GPATCH2: variants seen among roughly 807,000 people sequenced by gnomAD.
GPATCH2 encodes G-patch domain containing 2.
A neutral mutation model predicts 58.0 loss-of-function variants in GPATCH2; 51 were observed. The ratio of observed to expected loss-of-function variants is 0.88; its 90% CI spans 0.70 to 1.11. The LOEUF is 1.11. Ranked by LOEUF, GPATCH2 falls within the 50% of genes most tolerant of loss-of-function variation. The pLI is 0.00. For missense variants in GPATCH2, 625 were observed against 652.2 expected (o/e 0.96, Z 0.45); for synonymous variants, 222 against 218.5 (o/e 1.02, Z -0.14).
intron 5 of GPATCH2, among the ~76,000 whole-genome samples, chr1:217,515,282 G>C (rs534323887): frequency 6.6e-6 from 1 of 152,026 alleles, no homozygotes; most frequent in Non-Finnish European, 1.5e-5. Context: ...ATTTTTAGTA[G>C]AGACGGGGTT....
chr1:217,548,144 T>C (rs1665157836), intron 5 of GPATCH2, among the ~76,000 whole-genome samples: 1 of 152,174 alleles, frequency 6.6e-6, no homozygotes, highest in Non-Finnish European at 1.5e-5. Context: ...AACGGACTAA[T>C]ACGCTAATAT....
chr1:217,529,409 G>A (rs1664078212), intron 5 of GPATCH2, among the ~76,000 whole-genome samples: 1 of 152,122 alleles, frequency 6.6e-6, no homozygotes, highest in South Asian at 2.1e-4. Flanking sequence ...TCTCCTGCTG[G>A]AAGACTGGAT....
intron 5 of GPATCH2, among the ~76,000 whole-genome samples, chr1:217,567,429 T>C (rs1352243205): frequency 6.6e-6 from 1 of 152,222 alleles, no homozygotes; most frequent in Non-Finnish European, 1.5e-5. Context: ...TTACCATTAA[T>C]GTAATGTCTT....
At chr1:217,543,808 C>A (rs1041014855) in intron 5 of GPATCH2, among the ~76,000 whole-genome samples, 1 of 152,052 alleles carries the variant, frequency 6.6e-6, no homozygotes, top group African/African-American at 2.4e-5. Context: ...ACCAGTCCAG[C>A]CCACAGTTTC....
intron 5 of GPATCH2, among the ~76,000 whole-genome samples, chr1:217,557,954 C>T (rs575982708): frequency 5.9e-5 from 9 of 152,272 alleles, no homozygotes; most frequent in African/African-American, 1.4e-4. Flanking sequence ...ATCTGTAAAA[C>T]GCTTCTGAAT....
chr1:217,613,139 C>T (rs1005530976), intron 3 of GPATCH2, among the ~76,000 whole-genome samples: 2 of 151,910 alleles, frequency 1.3e-5, no homozygotes, highest in South Asian at 4.1e-4. Context: ...GATGGTTACC[C>T]TTGCATTTAG....
At chr1:217,526,714 C>G (rs1437857062) in intron 5 of GPATCH2, among the ~76,000 whole-genome samples, 2 of 152,094 alleles carry the variant, frequency 1.3e-5, no homozygotes, top group Non-Finnish European at 2.9e-5. Flanking sequence ...ATGTCTATCC[C>G]AAATCTGGTT....
intron 5 of GPATCH2, among the ~76,000 whole-genome samples, chr1:217,602,141 A>G (rs1490156190): frequency 6.6e-6 from 1 of 152,158 alleles, no homozygotes; most frequent in Non-Finnish European, 1.5e-5. Flanking sequence ...CTTTTAAAAA[A>G]CAAATCTGAT....
At chr1:217,457,718 T>A (rs1660008444) in intron 8 of GPATCH2, among the ~76,000 whole-genome samples, 1 of 152,216 alleles carries the variant, frequency 6.6e-6, no homozygotes, top group Non-Finnish European at 1.5e-5. Context: ...TGTAGGCATT[T>A]TTTTGGTAGT....
intron 5 of GPATCH2, among the ~76,000 whole-genome samples, chr1:217,545,445 T>C (rs1664991662): frequency 6.6e-6 from 1 of 152,200 alleles, no homozygotes; most frequent in Admixed American, 6.5e-5. Flanking sequence ...ACCTAGAGTC[T>C]GCGGGCATAA....
rs377730900 is a variant in GPATCH2, at chr1:217,487,425, C to T, written c.1277+4255G>A. ...ACATGAGTTGCTTGGAAGAGTACTT[C>T]TTTTTTTTTTTTTTTTTGAGTCGGA... is the stretch of plus-strand genomic sequence containing the variant. On this transcript the variant is annotated intron_variant, in intron 8 of 9. Transcript: ENST00000366935. 1.3e-3 allele frequency among the ~76,000 whole-genome samples: 183 copies of T among 137,280 alleles called. 1 individual carries two copies. The highest frequency in any genetic ancestry group is 3.7e-3 in the African/African-American group (140 of 37,530). 90.1% of individuals were successfully genotyped at this position (137,280 alleles called of 152,430 possible).
chr1:217,602,060 G>C (rs1280774212), intron 5 of GPATCH2, among the ~76,000 whole-genome samples: 1 of 152,122 alleles, frequency 6.6e-6, no homozygotes, highest in Non-Finnish European at 1.5e-5. Flanking sequence ...AATAGGCATG[G>C]ATCTTAGCCT....
intron 9 of GPATCH2, among the ~76,000 whole-genome samples, chr1:217,438,024 C>T (rs1213045182): frequency 6.6e-6 from 1 of 152,192 alleles, no homozygotes; most frequent in Non-Finnish European, 1.5e-5. Context: ...TGGGATGAAG[C>T]TTCCAGAGGA....
intron 4 of GPATCH2, 62 bp from the exon 5 acceptor site, chr1:217,610,462 G>A (rs1384032466): frequency 1.1e-6 from 1 of 947,362 alleles, no homozygotes; most frequent in Non-Finnish European, 1.7e-6. Flanking sequence ...AGAAGAAGAA[G>A]AGGATCCTAT....
At chr1:217,461,493 T>C (rs565333041) in intron 8 of GPATCH2, among the ~76,000 whole-genome samples, 31 of 152,330 alleles carry the variant, frequency 2.0e-4, no homozygotes, top group African/African-American at 7.5e-4. Context: ...TTAAGTACAT[T>C]TTCCTTAGCA....
At chr1:217,549,340 C>T (rs1432220951) in intron 5 of GPATCH2, among the ~76,000 whole-genome samples, 1 of 152,072 alleles carries the variant, frequency 6.6e-6, no homozygotes, top group African/African-American at 2.4e-5. Context: ...CCCTCATGTT[C>T]CATATATCTG....
At position 217,431,246 on chromosome 1, in the gene GPATCH2, G is replaced by T; in HGVS notation, c.1486C>A (p.Pro496Thr). The change falls in exon 10 of 10, where the codon CCA becomes ACA. Residue 496 changes from proline (P) to threonine (T), a missense_variant. By Grantham distance (38) the Pro-to-Thr change is conservative. Coordinates refer to ENST00000366935, the MANE Select transcript of GPATCH2 (RefSeq NM_018040.5). ...TTTGGCCTCTGCATGGCTTGAATTG[G>T]CTCAGAGATCCCCTTGCCATCTCGT... ...LGRDGKGISE[P>T]IQAMQRPKGL... The T allele has an allele frequency of 6.2e-7, 1 of 1,608,610 alleles. No individual in the cohort carries two copies. Among genetic ancestry groups the T allele is most frequent in the Non-Finnish European group, 8.5e-7 (1 of 1,174,956 alleles).
At chr1:217,477,376 G>T (rs1661013677) in intron 8 of GPATCH2, among the ~76,000 whole-genome samples, 1 of 152,198 alleles carries the variant, frequency 6.6e-6, no homozygotes, top group African/African-American at 2.4e-5. Context: ...TTGCACCTTA[G>T]GTACCAGCTT....
chr1:217,448,807 A>G (rs987370671), intron 9 of GPATCH2, among the ~76,000 whole-genome samples: 4 of 152,222 alleles, frequency 2.6e-5, no homozygotes, highest in African/African-American at 7.2e-5. Flanking sequence ...ACTAGAAACC[A>G]GACTGCCACA....
Sources: gnomAD v4.1 joint callset for allele counts (sites outside exome capture counted in the v4.1 genomes callset) on GRCh38, gnomAD v4.1.1 for gene constraint, MANE v1.5 for transcripts, NCBI Gene and HGNC (gene_info 2026-07-23, HGNC 2026-07-21) for gene names.